The following OGDH variants were observed in gnomAD, a reference collection of about 807,000 sequenced individuals.
OGDH encodes oxoglutarate dehydrogenase.
A neutral mutation model predicts 116.6 loss-of-function variants in OGDH; 38 were observed. That is an observed-to-expected ratio of 0.33 (90% CI 0.25 to 0.43). OGDH has a LOEUF of 0.43. OGDH is among the 20% of genes least tolerant of loss of function. The probability of loss-of-function intolerance (pLI) is 1.00; values close to 1 mark genes in which losing one functional copy is unlikely to be tolerated. For missense variants in OGDH, 825 were observed against 1,357.2 expected (o/e 0.61, Z 6.16); for synonymous variants, 488 against 533.3 (o/e 0.92, Z 1.17).
chr7:44,615,289 C>T (rs1424483740), intron 1 of OGDH, among the ~76,000 whole-genome samples: 2 of 152,108 alleles, frequency 1.3e-5, no homozygotes, highest in Admixed American at 6.6e-5. Context: ...GTTGCTGGTG[C>T]GGTGTCTGGG....
intron 9 of OGDH, among the ~76,000 whole-genome samples, chr7:44,678,973 A>G (rs563398937): frequency 6.2e-4 from 94 of 152,320 alleles, no homozygotes; most frequent in African/African-American, 2.2e-3. Flanking sequence ...ATCTTTGTTC[A>G]TGAAAGCATT....
At chr7:44,680,329 A>T (rs561561534) in intron 9 of OGDH, among the ~76,000 whole-genome samples, 2 of 152,218 alleles carry the variant, frequency 1.3e-5, no homozygotes, top group South Asian at 4.1e-4. Flanking sequence ...GGTTTTAAAG[A>T]GGTATAGGCT....
intron 10 of OGDH, among the ~76,000 whole-genome samples, chr7:44,685,046 A>G (rs886540548): frequency 6.6e-6 from 1 of 152,162 alleles, no homozygotes; most frequent in African/African-American, 2.4e-5. Flanking sequence ...TCAGCCTCCT[A>G]AAGTGCTGGG....
At chr7:44,674,643 G>C (rs1585339609) in intron 7 of OGDH, 86 bp downstream of exon 7, 4 of 1,466,730 alleles carry the variant, frequency 2.7e-6, no homozygotes, top group Non-Finnish European at 3.8e-6. Context: ...TGAGAGAGCA[G>C]CTGTTTCCTC....
Position 44,698,251 on chromosome 7 carries a change from A to G in OGDH, c.2418A>G (p.Pro806=), listed in dbSNP as rs1305516084. Reference sequence around the variant, plus strand: ...TCTTGCAGATGTGCAACGATGACCCAGATGTCCTGCCAGTGAGTAATACAG... The same window carrying G: ...TCTTGCAGATGTGCAACGATGACCCGGATGTCCTGCCAGTGAGTAATACAG... ...ERFLQMCNDD[P]DVLPDLKEAN... is the part of the protein sequence containing the mutation. The change falls in exon 18 of 23, where the codon CCA becomes CCG. Residue 806 remains proline (P), a synonymous_variant. Transcript: ENST00000222673. 1 of 1,613,908 alleles carries G rather than the reference A, an allele frequency of 6.2e-7. No homozygotes were observed. Among genetic ancestry groups the G allele is most frequent in the East Asian group, 2.2e-5 (1 of 44,880 alleles).
intron 10 of OGDH, 135 bp from the exon 11 acceptor site, chr7:44,693,690 T>C: frequency 1.7e-6 from 1 of 574,552 alleles, no homozygotes; most frequent in South Asian, 3.9e-5. Context: ...AGAAAAAGTG[T>C]AAACAGCCAT....
At chr7:44,673,693 A>T in intron 5 of OGDH, 94 bp from the exon 6 acceptor site, 1 of 1,246,368 alleles carries the variant, frequency 8.0e-7, no homozygotes, top group African/African-American at 1.5e-5. Context: ...CCTCCTGCTT[A>T]TCCCCTCCTT....
rs1382414025 is a variant in OGDH at position 44,656,297 on chromosome 7, A to G, written c.517+8538A>G. On this transcript the variant is annotated intron_variant, in intron 4 of 22. Coordinates refer to ENST00000222673, the MANE Select transcript of OGDH (RefSeq NM_002541.4). ...CTTTTTCCTTCTGCGCTCACCCATG[A>G]TACCCCACTCTGCCTCTCAGATCTT... is the stretch of plus-strand genomic sequence containing the variant. 6.5e-6 allele frequency: 10 copies of G among 1,535,864 alleles called. No homozygotes were observed. The South Asian group carries it at 1.2e-4, about 18-fold the overall frequency.
At chr7:44,617,902 T>C (rs1043437125) in intron 1 of OGDH, among the ~76,000 whole-genome samples, 3 of 152,162 alleles carry the variant, frequency 2.0e-5, no homozygotes, top group Admixed American at 1.3e-4. Context: ...CAATGTCATA[T>C]TGATAGGCGT....
chr7:44,658,828 A>C (rs1465325945), intron 4 of OGDH, among the ~76,000 whole-genome samples: 2 of 151,688 alleles, frequency 1.3e-5, no homozygotes, highest in African/African-American at 4.8e-5. Flanking sequence ...TGATCTTGTG[A>C]TTTATTATTA....
intron 10 of OGDH, among the ~76,000 whole-genome samples, chr7:44,684,271 GA>G (rs1788043162): frequency 6.6e-6 from 1 of 152,156 alleles, no homozygotes; most frequent in African/African-American, 2.4e-5. Flanking sequence ...AGGAAGTGAT[GA>G]GATACTGGTT....
chr7:44,657,457 T>C (rs62460468), intron 4 of OGDH, among the ~76,000 whole-genome samples: 35 of 152,362 alleles, frequency 2.3e-4, no homozygotes, highest in Non-Finnish European at 4.4e-4. Flanking sequence ...CTGAGTAGTA[T>C]TCCATGGTGT....
At chr7:44,674,830 A>G (rs1235993898) in intron 7 of OGDH, 5 of 540,108 alleles carry the variant, frequency 9.3e-6, no homozygotes, top group Non-Finnish European at 1.7e-5. Context: ...ATTAAACCCA[A>G]GTTCCCTTGT....
At chr7:44,647,448 G>T (rs1414009770) in intron 3 of OGDH, 1 of 1,537,086 alleles carries the variant, frequency 6.5e-7, no homozygotes. Flanking sequence ...TTCCAGGTCA[G>T]GGGTCACCAC....
chr7:44,686,958 A>T (rs924773005), intron 10 of OGDH, among the ~76,000 whole-genome samples: 1 of 151,640 alleles, frequency 6.6e-6, no homozygotes, highest in African/African-American at 2.4e-5. Context: ...AAGTGCTGGG[A>T]TTACAGGCAT....
intron 4 of OGDH, among the ~76,000 whole-genome samples, chr7:44,662,709 A>C (rs1016206703): frequency 4.7e-4 from 71 of 151,698 alleles, no homozygotes; most frequent in African/African-American, 1.6e-3. Context: ...GATCTGCCCC[A>C]CCTCGGCCTC....
At position 44,697,869 on chromosome 7, in the gene OGDH, G is replaced by C. The variant is rs2116368261; in HGVS notation, c.2358+87G>C. ...ACCCCAAAGACTGGCACGAGAGCCA[G>C]TGGCTCACACCAGCCTCCTAAGGAC... On this transcript the variant is annotated intron_variant, in intron 17 of 22. Transcript: ENST00000222673. The surrounding 1 kb of genome is among the most constrained non-coding windows in gnomAD (Gnocchi z 6.0). 2.1e-6 allele frequency: 3 copies of C among 1,455,610 alleles called. No homozygotes were observed. Among genetic ancestry groups the C allele is most frequent in the East Asian group, 4.7e-5 (2 of 42,766 alleles). 90.2% of individuals were successfully genotyped at this position (1,455,610 alleles called of 1,614,324 possible).
chr7:44,621,378 A>G (rs1342004903), intron 1 of OGDH, among the ~76,000 whole-genome samples: 2 of 152,166 alleles, frequency 1.3e-5, no homozygotes, highest in Non-Finnish European at 2.9e-5. Flanking sequence ...TTGGCTTTTA[A>G]TATCTTCTTA....
At chr7:44,627,942 G>T (rs1298020205) in intron 2 of OGDH, among the ~76,000 whole-genome samples, 1 of 152,220 alleles carries the variant, frequency 6.6e-6, no homozygotes, top group Non-Finnish European at 1.5e-5. Context: ...CTCCCAAAGT[G>T]CTGGGATTAC....
Sources: allele counts gnomAD v4.1 joint callset (sites outside exome capture counted in the v4.1 genomes callset), GRCh38; gene constraint gnomAD v4.1.1; non-coding constraint Gnocchi (gnomAD v3.1); transcripts MANE v1.5; gene names NCBI Gene and HGNC (gene_info 2026-07-23, HGNC 2026-07-21).